PRKG1: variants seen among roughly 807,000 people sequenced by gnomAD.
PRKG1 encodes cGMP-dependent protein kinase 1.
In PRKG1, 35 loss-of-function variants were observed where a neutral mutation model predicts 88.1. That is an observed-to-expected ratio of 0.40 (90% CI 0.30 to 0.53). The LOEUF is 0.53. Among genes scored for constraint, PRKG1 ranks in the 20% least tolerant of loss-of-function variants. PRKG1 has a pLI of 0.59. For missense variants in PRKG1, 540 were observed against 839.8 expected (o/e 0.64, Z 4.41); for synonymous variants, 303 against 292.5 (o/e 1.04, Z -0.37).
At chr10:51,570,695 TG>T (rs1438081154) in intron 3 of PRKG1, among the ~76,000 whole-genome samples, 1 of 146,940 alleles carries the variant, frequency 6.8e-6, no homozygotes, top group Non-Finnish European at 1.5e-5. Context: ...GAAGAATTTT[TG>T]AAAAAAAAAA....
chr10:52,001,797 A>G (rs1300456890), intron 5 of PRKG1, among the ~76,000 whole-genome samples: 2 of 152,068 alleles, frequency 1.3e-5, no homozygotes, highest in African/African-American at 2.4e-5. Context: ...ACTCCTGTTT[A>G]TTATTAAGAT....
chr10:51,590,511 T>C (rs577613121), intron 3 of PRKG1, among the ~76,000 whole-genome samples: 1 of 152,354 alleles, frequency 6.6e-6, no homozygotes, highest in African/African-American at 2.4e-5. Flanking sequence ...AAGAATATTT[T>C]ACTCCAGTGA....
intron 5 of PRKG1, among the ~76,000 whole-genome samples, chr10:52,026,208 T>C (rs945605892): frequency 1.3e-5 from 2 of 152,168 alleles, no homozygotes; most frequent in South Asian, 2.1e-4. Context: ...TTAAAATATA[T>C]TACCTGGAAT....
At chr10:51,888,203 C>T (rs1841621513) in intron 4 of PRKG1, among the ~76,000 whole-genome samples, 1 of 152,106 alleles carries the variant, frequency 6.6e-6, no homozygotes, top group Admixed American at 6.6e-5. Flanking sequence ...TCGATTATAT[C>T]TCAATAAAGC....
chr10:51,302,428 G>A (rs954695829), intron 2 of PRKG1: 24 of 152,214 alleles, frequency 1.6e-4, no homozygotes, highest in African/African-American at 5.5e-4. Flanking sequence ...CCTATGGTGT[G>A]TCATAAGCAC....
intron 3 of PRKG1, among the ~76,000 whole-genome samples, chr10:51,645,857 C>T (rs1839903042): frequency 6.6e-6 from 1 of 152,076 alleles, no homozygotes; most frequent in Non-Finnish European, 1.5e-5. Context: ...AGAGTTGAAT[C>T]TGGATATCCA....
Position 52,293,383 on chromosome 10 carries a change from A to C in PRKG1, c.1963-419A>C, listed in dbSNP as rs562977971. Among the ~76,000 whole-genome samples the C allele has an allele frequency of 1.7e-3, 253 of 151,670 alleles. 1 individual carries two copies. Among genetic ancestry groups the C allele is most frequent in the African/African-American group, 5.5e-3 (225 of 41,248 alleles). On this transcript the variant is annotated intron_variant, in intron 17 of 17. Transcript: ENST00000373980. ...TGCCATCCCCATCAAGCTACCAATG[A>C]CTTTCTTCACAGAATTGGAAAAAAC...
chr10:51,547,339 A>G (rs1013245071), intron 3 of PRKG1, among the ~76,000 whole-genome samples: 5 of 149,758 alleles, frequency 3.3e-5, no homozygotes, highest in Non-Finnish European at 7.4e-5. Flanking sequence ...TATTAAAAAT[A>G]GTAAAATAAC....
In PRKG1 at chr10:51,750,533, ACT is replaced by A. The variant is rs577357857; in HGVS notation, c.593-54051_593-54050del. On this transcript the variant is annotated intron_variant, in intron 3 of 17. Transcript: ENST00000373980. ...AGGCAATGAGCTAGCTGCTGGGTAC[ACT>A]GTGGGAAAAAATGTACTTTTGCTAT... Among the ~76,000 whole-genome samples, 951 of 152,326 alleles carry A rather than the reference ACT, an allele frequency of 6.2e-3. 8 individuals are homozygous for A. The highest frequency in any genetic ancestry group is 0.022 in the African/African-American group (901 of 41,578).
chr10:51,349,256 T>C (rs1224901485), intron 2 of PRKG1, among the ~76,000 whole-genome samples: 1 of 152,172 alleles, frequency 6.6e-6, no homozygotes, highest in Non-Finnish European at 1.5e-5. Context: ...TTCTGTTTCT[T>C]CCATGTAGTG....
intron 3 of PRKG1, among the ~76,000 whole-genome samples, chr10:51,529,732 C>T (rs1841970848): frequency 6.6e-6 from 1 of 152,106 alleles, no homozygotes; most frequent in African/African-American, 2.4e-5. Flanking sequence ...AGTATCACTA[C>T]TGAAATTATC....
chr10:51,960,985 G>T (rs1313252228), intron 5 of PRKG1, among the ~76,000 whole-genome samples: 6 of 152,100 alleles, frequency 3.9e-5, no homozygotes, highest in Non-Finnish European at 8.8e-5. Flanking sequence ...TTTGATATGT[G>T]TTCTGCCAGT....
At chr10:52,134,943 A>G (rs1194205030) in intron 8 of PRKG1, among the ~76,000 whole-genome samples, 1 of 152,086 alleles carries the variant, frequency 6.6e-6, no homozygotes, top group Non-Finnish European at 1.5e-5. Context: ...GTTCCCAAAA[A>G]CAATAATTAC....
chr10:51,075,552 A>G (rs949618571), intron 1 of PRKG1, among the ~76,000 whole-genome samples: 1 of 152,264 alleles, frequency 6.6e-6, no homozygotes, highest in Non-Finnish European at 1.5e-5. Flanking sequence ...TTCATAACAT[A>G]TGAGGGAGAA....
intron 3 of PRKG1, among the ~76,000 whole-genome samples, chr10:51,607,931 A>G (rs1312991000): frequency 6.6e-6 from 1 of 152,226 alleles, no homozygotes; most frequent in Non-Finnish European, 1.5e-5. Flanking sequence ...TTAAAATATC[A>G]TTGGTTTTGT....
chr10:51,356,098 G>A (rs1842360597), intron 2 of PRKG1, among the ~76,000 whole-genome samples: 1 of 151,984 alleles, frequency 6.6e-6, no homozygotes, highest in Admixed American at 6.6e-5. Context: ...AAAGCTGCAT[G>A]GTGCACACCT....
At chr10:52,098,318 A>G (rs1397068191) in intron 7 of PRKG1, among the ~76,000 whole-genome samples, 1 of 152,238 alleles carries the variant, frequency 6.6e-6, no homozygotes, top group Admixed American at 6.5e-5. Flanking sequence ...CTGAGTAAAC[A>G]TGTCCCTGAA....
chr10:52,190,945 T>C (rs1839346978), intron 9 of PRKG1, among the ~76,000 whole-genome samples: 1 of 152,214 alleles, frequency 6.6e-6, no homozygotes, highest in African/African-American at 2.4e-5. Context: ...CTAAAACTAC[T>C]GACACTTTCC....
chr10:51,374,093 A>ATATATATATATATATAT (rs1554801054), intron 2 of PRKG1, among the ~76,000 whole-genome samples: 8 of 100,190 alleles, frequency 8.0e-5, no homozygotes, highest in East Asian at 2.6e-4. Flanking sequence ...AAAAAAAAAA[A>ATATATATATATATATAT]ATATATATAT....
Sources: allele counts gnomAD v4.1 joint callset (sites outside exome capture counted in the v4.1 genomes callset), GRCh38; gene constraint gnomAD v4.1.1; transcripts MANE v1.5; gene names NCBI Gene and HGNC (gene_info 2026-07-23, HGNC 2026-07-21).